RBMS3: variants seen among roughly 807,000 people sequenced by gnomAD.
RBMS3 encodes RNA-binding motif, single-stranded-interacting protein 3.
Under a neutral mutation model 66.8 loss-of-function variants are expected in RBMS3, and 27 were observed. The ratio of observed to expected loss-of-function variants is 0.40; its 90% CI spans 0.30 to 0.56. The LOEUF is 0.56. Ranked by LOEUF, RBMS3 falls within the 20% of genes least tolerant of loss-of-function variation. The pLI is 0.40. For synonymous variants in RBMS3, 188 were observed against 183.0 expected (o/e 1.03, Z -0.22); for missense variants, 513 against 549.5 (o/e 0.93, Z 0.66).
At chr3:29,788,271 G>C (rs1016388332) in intron 6 of RBMS3, among the ~76,000 whole-genome samples, 14 of 150,320 alleles carry the variant, frequency 9.3e-5, no homozygotes, top group Admixed American at 4.7e-4. Context: ...AAAATCCCAG[G>C]CTGGAGTGCA....
chr3:29,485,658 C>T (rs2043293296), intron 2 of RBMS3, among the ~76,000 whole-genome samples: 1 of 152,048 alleles, frequency 6.6e-6, no homozygotes, highest in Non-Finnish European at 1.5e-5. Context: ...GTTCAAACCC[C>T]CAAGGAAGTA....
intron 12 of RBMS3, among the ~76,000 whole-genome samples, chr3:29,958,722 C>T (rs780411307): frequency 4.7e-4 from 72 of 152,226 alleles, no homozygotes; most frequent in Non-Finnish European, 7.9e-4. Flanking sequence ...GATGCTAAAG[C>T]GTCTATTTGT....
At chr3:29,637,243 G>T (rs2049510208) in intron 4 of RBMS3, among the ~76,000 whole-genome samples, 1 of 151,664 alleles carries the variant, frequency 6.6e-6, no homozygotes, top group African/African-American at 2.4e-5. Flanking sequence ...GCAAATGAAG[G>T]CAGCAAGCAG....
intron 6 of RBMS3, among the ~76,000 whole-genome samples, chr3:29,786,692 G>A (rs762419594): frequency 5.3e-5 from 8 of 152,046 alleles, no homozygotes; most frequent in Non-Finnish European, 7.4e-5. Context: ...AAATCAACTC[G>A]AGATGGATCA....
intron 5 of RBMS3, among the ~76,000 whole-genome samples, chr3:29,760,820 G>A (rs1428701245): frequency 1.3e-5 from 2 of 152,050 alleles, no homozygotes; most frequent in Non-Finnish European, 2.9e-5. Flanking sequence ...TCTGATATAG[G>A]GGAACTTGTG....
chr3:29,739,687 A>C, intron 4 of RBMS3, 33 bp from the exon 5 acceptor site: 2 of 1,541,866 alleles, frequency 1.3e-6, no homozygotes, highest in Non-Finnish European at 8.8e-7. Context: ...CAATACTCAG[A>C]ACTTACCATA....
chr3:29,622,770 G>C (rs1313463811), intron 4 of RBMS3, among the ~76,000 whole-genome samples: 1 of 152,164 alleles, frequency 6.6e-6, no homozygotes, highest in Non-Finnish European at 1.5e-5. Context: ...TGGAAGCTTA[G>C]GGGAGTAACT....
chr3:29,630,519 T>A lies in RBMS3; in HGVS notation c.399+43314T>A, dbSNP rs539896776. On this transcript the variant is annotated intron_variant, in intron 4 of 14. Transcript: ENST00000383767. ...AATTCTTGTTGATTGCCACAAAAAT[T>A]AGTAAGAATTGGAAGGAAAAAGGAA... Among the ~76,000 whole-genome samples the A allele has an allele frequency of 2.0e-5, 3 of 151,996 alleles. No individual in the cohort carries two copies. The East Asian group carries it at 5.8e-4, about 29-fold the overall frequency.
chr3:29,779,724 T>TATATATATATATATATATATATATATAA (rs1559662703), intron 6 of RBMS3, among the ~76,000 whole-genome samples: 10 of 145,688 alleles, frequency 6.9e-5, no homozygotes, highest in Non-Finnish European at 1.1e-4. Context: ...TATATATATA[T>TATATATATATATATATATATATATATAA]AAACAACCCC....
At chr3:29,917,064 C>A (rs1033086030) in intron 10 of RBMS3, among the ~76,000 whole-genome samples, 7 of 152,144 alleles carry the variant, frequency 4.6e-5, no homozygotes, top group Admixed American at 3.3e-4. Flanking sequence ...TTCCTCTATT[C>A]ATTCAACATA....
At chr3:29,745,809 CAT>C (rs1489206140) in intron 5 of RBMS3, among the ~76,000 whole-genome samples, 3 of 151,982 alleles carry the variant, frequency 2.0e-5, no homozygotes, top group Non-Finnish European at 4.4e-5. Context: ...TGACTTCTAA[CAT>C]ATGGGCAGCC....
chr3:29,737,123 C>T (rs1240566157), intron 4 of RBMS3, among the ~76,000 whole-genome samples: 2 of 151,968 alleles, frequency 1.3e-5, no homozygotes, highest in Non-Finnish European at 2.9e-5. Context: ...ACTACAGGCG[C>T]CCGCCACCAG....
In RBMS3 at chr3:29,868,854, C is replaced by T. The variant is rs745618516; in HGVS notation, c.638-4C>T. 2 of 1,589,020 alleles carry T rather than the reference C, an allele frequency of 1.3e-6. No individual in the cohort carries two copies. Among genetic ancestry groups the T allele is most frequent in the South Asian group, 1.1e-5 (1 of 87,250 alleles). On this transcript the variant is annotated splice_region_variant and splice_polypyrimidine_tract_variant and intron_variant, in intron 6 of 14. Transcript: ENST00000383767. The stretch of plus-strand genomic sequence containing the variant: ...AATGTAGAATTGGTTTCTTATCTTC[C>T]CAGCCCCCAGTGAGCCTTTGCTGTG...
chr3:29,796,183 TGTATATTG>T (rs1559680326), intron 6 of RBMS3, among the ~76,000 whole-genome samples: 1 of 152,204 alleles, frequency 6.6e-6, no homozygotes, highest in East Asian at 1.9e-4. Context: ...CCTAAAAACA[TGTATATTG>T]GGCTTCAAGT....
At chr3:29,365,928 T>C (rs1193355611) in intron 1 of RBMS3, among the ~76,000 whole-genome samples, 1 of 152,208 alleles carries the variant, frequency 6.6e-6, no homozygotes, top group African/African-American at 2.4e-5. Context: ...CTCACCAGTT[T>C]ACTGTACTGA....
At position 29,656,117 on chromosome 3, in the gene RBMS3, A is replaced by T. The variant is rs553582719; in HGVS notation, c.399+68912A>T. Among the ~76,000 whole-genome samples, 4 of 152,266 alleles carry T rather than the reference A, an allele frequency of 2.6e-5. No homozygotes were observed. The East Asian group carries it at 5.8e-4, about 22-fold the overall frequency. On this transcript the variant is annotated intron_variant, in intron 4 of 14. Coordinates refer to ENST00000383767, the MANE Select transcript of RBMS3 (RefSeq NM_001003793.3). ...TTTATAAGGTAAAAAAGTTACAGTA[A>T]GATAAGGTTAATTTATTATTGAGGA...
chr3:29,287,626 G>T (rs1336073441), intron 1 of RBMS3, among the ~76,000 whole-genome samples: 1 of 152,060 alleles, frequency 6.6e-6, no homozygotes, highest in Non-Finnish European at 1.5e-5. Context: ...CTGTAACAGA[G>T]ATGTTATCGT....
chr3:29,401,397 G>A (rs1202882344), intron 1 of RBMS3, among the ~76,000 whole-genome samples: 4 of 152,080 alleles, frequency 2.6e-5, no homozygotes, highest in South Asian at 2.1e-4. Context: ...GCTGTCCCGC[G>A]TTTACAGTCT....
At chr3:29,325,606 A>C (rs1250200709) in intron 1 of RBMS3, among the ~76,000 whole-genome samples, 1 of 110,672 alleles carries the variant, frequency 9.0e-6, no homozygotes, top group African/African-American at 3.6e-5. Flanking sequence ...ACGTGTGTGT[A>C]TATATATGTG....
Sources: gnomAD v4.1 joint callset for allele counts (sites outside exome capture counted in the v4.1 genomes callset) on GRCh38, gnomAD v4.1.1 for gene constraint, MANE v1.5 for transcripts, NCBI Gene and HGNC (gene_info 2026-07-23, HGNC 2026-07-21) for gene names.